DGKB: variants seen among roughly 807,000 people sequenced by gnomAD.
DGKB encodes the protein 90 kDa diacylglycerol kinase.
A neutral mutation model predicts 114.3 loss-of-function variants in DGKB; 67 were observed. That is an observed-to-expected ratio of 0.59 (90% CI 0.48 to 0.72). DGKB has a LOEUF of 0.72. Among genes scored for constraint, DGKB ranks in the 30% least tolerant of loss-of-function variants. The pLI is 0.00. For missense variants in DGKB, 907 were observed against 975.2 expected (o/e 0.93, Z 0.93); for synonymous variants, 398 against 323.1 (o/e 1.23, Z -2.49).
At chr7:14,469,032 T>A (rs979048768) in intron 21 of DGKB, among the ~76,000 whole-genome samples, 5 of 152,102 alleles carry the variant, frequency 3.3e-5, no homozygotes, top group Non-Finnish European at 5.9e-5. Flanking sequence ...ATATTTCTGT[T>A]TTATTTAAAT....
intron 21 of DGKB, among the ~76,000 whole-genome samples, chr7:14,400,164 G>C (rs1427619292): frequency 1.3e-5 from 2 of 151,820 alleles, no homozygotes; most frequent in East Asian, 3.9e-4. Flanking sequence ...GTCTCCTTTA[G>C]AGTAAGGACC....
intron 23 of DGKB, among the ~76,000 whole-genome samples, chr7:14,179,061 T>C (rs1478183161): frequency 6.6e-6 from 1 of 152,232 alleles, no homozygotes; most frequent in Non-Finnish European, 1.5e-5. Flanking sequence ...TGATGCACTA[T>C]GCTACATTTG....
intron 23 of DGKB, among the ~76,000 whole-genome samples, chr7:14,260,109 A>AACACACACACAC (rs72000049): frequency 2.8e-5 from 4 of 143,298 alleles, no homozygotes; most frequent in Non-Finnish European, 6.1e-5. Flanking sequence ...CACACACATG[A>AACACACACACAC]ACACACACAC....
chr7:14,371,123 C>T (rs1211303049), intron 21 of DGKB, among the ~76,000 whole-genome samples: 8 of 152,090 alleles, frequency 5.3e-5, no homozygotes, highest in African/African-American at 9.7e-5. Context: ...AGTGCTACAA[C>T]GAACATATGA....
chr7:14,322,913 G>A (rs902970695), intron 23 of DGKB, among the ~76,000 whole-genome samples: 1 of 152,170 alleles, frequency 6.6e-6, no homozygotes, highest in African/African-American at 2.4e-5. Flanking sequence ...ATCATTCAAA[G>A]TGTTGGAGAA....
At chr7:14,308,403 C>T (rs1459268008) in intron 23 of DGKB, among the ~76,000 whole-genome samples, 2 of 151,804 alleles carry the variant, frequency 1.3e-5, no homozygotes, top group Non-Finnish European at 2.9e-5. Context: ...ACACATACAC[C>T]TCTAATAGGA....
At chr7:14,157,619 A>G (rs1486229935) in intron 25 of DGKB, among the ~76,000 whole-genome samples, 1 of 152,208 alleles carries the variant, frequency 6.6e-6, no homozygotes, top group East Asian at 1.9e-4. Context: ...TTGCATGGGA[A>G]ATATTCATAC....
chr7:14,297,566 G>T (rs915084243), intron 23 of DGKB, among the ~76,000 whole-genome samples: 2 of 152,074 alleles, frequency 1.3e-5, no homozygotes, highest in African/African-American at 4.8e-5. Flanking sequence ...AAAATAATAA[G>T]AGCTGTTTAT....
intron 6 of DGKB, among the ~76,000 whole-genome samples, chr7:14,716,195 T>C (rs963234831): frequency 2.2e-4 from 34 of 152,184 alleles, no homozygotes; most frequent in African/African-American, 6.0e-4. Context: ...ACAGAAGGAA[T>C]TGCATAAGCC....
intron 2 of DGKB, among the ~76,000 whole-genome samples, chr7:14,812,506 G>C (rs979858626): frequency 2.0e-5 from 3 of 151,938 alleles, no homozygotes; most frequent in African/African-American, 7.3e-5. Context: ...TTCTAGTTCT[G>C]ATTCCACCAT....
intron 20 of DGKB, among the ~76,000 whole-genome samples, chr7:14,545,970 G>C (rs954291659): frequency 1.3e-5 from 2 of 152,154 alleles, no homozygotes; most frequent in African/African-American, 4.8e-5. Flanking sequence ...TTAAGGGAAC[G>C]AGAGTATTGG....
intron 9 of DGKB, among the ~76,000 whole-genome samples, chr7:14,687,013 T>C (rs1258076298): frequency 6.6e-6 from 1 of 152,116 alleles, no homozygotes; most frequent in Non-Finnish European, 1.5e-5. Flanking sequence ...TAGGCAAAGG[T>C]GAAATGGGCT....
At chr7:14,633,384 A>AAC (rs1810108140) in intron 13 of DGKB, among the ~76,000 whole-genome samples, 1 of 151,906 alleles carries the variant, frequency 6.6e-6, no homozygotes, top group African/African-American at 2.4e-5. Flanking sequence ...TTCTGAGAGC[A>AAC]ACACTAGAAA....
intron 17 of DGKB, among the ~76,000 whole-genome samples, chr7:14,595,722 T>G (rs1240195825): frequency 6.6e-6 from 1 of 151,890 alleles, no homozygotes; most frequent in Non-Finnish European, 1.5e-5. Context: ...ATTAGTAAAC[T>G]GCTTAATGCT....
chr7:14,478,446 ATTAT>A (rs373030087), intron 20 of DGKB, among the ~76,000 whole-genome samples: 120 of 152,292 alleles, frequency 7.9e-4, no homozygotes, highest in African/African-American at 2.7e-3. Flanking sequence ...TTCACAATTG[ATTAT>A]TTGTTACATT....
intron 20 of DGKB, among the ~76,000 whole-genome samples, chr7:14,512,016 A>T (rs1347079242): frequency 6.6e-6 from 1 of 152,168 alleles, no homozygotes; most frequent in Non-Finnish European, 1.5e-5. Flanking sequence ...ACCAAAGCAG[A>T]TATAATAATG....
Position 14,860,152 on chromosome 7 carries a change from T to C in DGKB, c.-187-18702A>G, listed in dbSNP as rs375683033. Among the ~76,000 whole-genome samples, 1,229 of 152,230 alleles carry C rather than the reference T, an allele frequency of 8.1e-3. 14 individuals are homozygous for C. Among genetic ancestry groups the C allele is most frequent in the African/African-American group, 0.028 (1,182 of 41,570 alleles). On this transcript the variant is annotated intron_variant, in intron 1 of 25. Coordinates refer to ENST00000402815, the MANE Select transcript of DGKB (RefSeq NM_001350709.2). ...ACAATATGCCAAGTATTTTCCTTGT[T>C]CAATACTGTCTTTGACTAAAAAGGA...
At chr7:14,497,004 A>G (rs1785396226) in intron 20 of DGKB, among the ~76,000 whole-genome samples, 1 of 151,860 alleles carries the variant, frequency 6.6e-6, no homozygotes, top group Non-Finnish European at 1.5e-5. Flanking sequence ...AATACTACTC[A>G]GCCATAAACA....
At chr7:14,920,110 T>C (rs1454381906) in intron 1 of DGKB, among the ~76,000 whole-genome samples, 1 of 152,154 alleles carries the variant, frequency 6.6e-6, no homozygotes, top group Non-Finnish European at 1.5e-5. Flanking sequence ...TGATGAGATT[T>C]TAGATACACT....
Sources: allele counts gnomAD v4.1 joint callset (sites outside exome capture counted in the v4.1 genomes callset), GRCh38; gene constraint gnomAD v4.1.1; transcripts MANE v1.5; gene names NCBI Gene and HGNC (gene_info 2026-07-23, HGNC 2026-07-21).